The following HERC1 variants were observed in gnomAD, a reference collection of about 807,000 sequenced individuals.
The protein encoded by HERC1 is HECT and RLD domain containing E3 ubiquitin protein ligase family member 1.
Under a neutral mutation model 554.3 loss-of-function variants are expected in HERC1, and 160 were observed. The observed-to-expected ratio is 0.29, with a 90% CI of 0.25 to 0.33. The LOEUF (loss-of-function observed/expected upper bound fraction) is 0.33, where lower values mean the gene tolerates loss of function less well. HERC1 is among the 10% of genes least tolerant of loss of function. The probability of loss-of-function intolerance (pLI) is 1.00; values close to 1 mark genes in which losing one functional copy is unlikely to be tolerated. For missense variants in HERC1, 4,919 were observed against 5,918.5 expected (o/e 0.83, Z 5.54); for synonymous variants, 2,175 against 2,131.7 (o/e 1.02, Z -0.56).
rs778692309 is a variant in HERC1 at position 63,694,071 on chromosome 15, G to C, written c.5567C>G (p.Thr1856Ser). 1.7e-5 allele frequency: 28 copies of C among 1,609,416 alleles called. No homozygotes were observed. Among genetic ancestry groups the C allele is most frequent in the South Asian group, 1.7e-4 (15 of 89,974 alleles). ...CSQLKNLLSQ[T>S]GVLHMASFGE... The stretch of plus-strand genomic sequence containing the variant: ...GAAAGAGGCCATATGTAGTACACCA[G>C]TTTGGGACAATAAATTCTTCAACTG... Residue 1856 changes from threonine (T) to serine (S), a missense_variant, in exon 30 of 78, where the codon ACT becomes AGT. Around this residue, in one of 11 missense-constraint regions of HERC1, gnomAD observed 1,121 missense variants for 1,244.0 expected, o/e 0.90. Coordinates refer to ENST00000443617, the MANE Select transcript of HERC1 (RefSeq NM_003922.4). The surrounding 1 kb of genome is among the most constrained non-coding windows in gnomAD (Gnocchi z 4.3).
chr15:63,800,977 G>A (rs901500913), intron 1 of HERC1, among the ~76,000 whole-genome samples: 1 of 152,098 alleles, frequency 6.6e-6, no homozygotes, highest in African/African-American at 2.4e-5. Context: ...ATCACCAATG[G>A]TCAACGATTT....
At chr15:63,741,289 A>C (rs2074794035) in intron 12 of HERC1, among the ~76,000 whole-genome samples, 1 of 150,938 alleles carries the variant, frequency 6.6e-6, no homozygotes, top group South Asian at 2.1e-4. Flanking sequence ...AGCCTCTCAA[A>C]GTGCTGGGAT....
chr15:63,716,440 G>A lies in HERC1; in HGVS notation c.4012C>T (p.Pro1338Ser). The change falls in exon 22 of 78, where the codon CCT (proline) becomes TCT (serine). Residue 1338 changes from proline (P) to serine (S), a missense_variant. Pro to Ser is a moderately conservative substitution (Grantham distance 74, BLOSUM62 -1). Transcript: ENST00000443617. ...GTTCGAGTAAATGAATGCTCCTGAG[G>A]ATCAACATCTGCAGAGTCCTGGTTT... ...SENQDSADVD[P>S]QEHSFTRTID... 2 of 1,613,378 alleles carry A rather than the reference G, an allele frequency of 1.2e-6. No individual in the cohort carries two copies. The highest frequency in any genetic ancestry group is 1.7e-6 in the Non-Finnish European group (2 of 1,179,584).
chr15:63,723,412 A>G, intron 18 of HERC1, 57 bp from the exon 19 acceptor site: 1 of 1,148,378 alleles, frequency 8.7e-7, no homozygotes, highest in Non-Finnish European at 1.2e-6. Flanking sequence ...TGCTACAGAT[A>G]AAATCTTACC....
intron 63 of HERC1, among the ~76,000 whole-genome samples, chr15:63,637,905 G>A (rs2068855746): frequency 6.6e-6 from 1 of 152,192 alleles, no homozygotes; most frequent in Admixed American, 6.5e-5. Context: ...AGGAAGGGGT[G>A]ATGGGGAAAC....
At position 63,737,080 on chromosome 15, in the gene HERC1, G is replaced by C. The variant is rs181942168; in HGVS notation, c.2521-2231C>G. On this transcript the variant is annotated intron_variant, in intron 12 of 77. Coordinates refer to ENST00000443617, the MANE Select transcript of HERC1 (RefSeq NM_003922.4). ...TCTTCAAAAAGTGTAAGACAGAACG[G>C]GAGGCTACTAAAAAAGGAACACTTC... Among the ~76,000 whole-genome samples the C allele has an allele frequency of 9.2e-5, 14 of 151,614 alleles. No homozygotes were observed. In the East Asian group the frequency reaches 2.5e-3, roughly 27 times the overall value.
At chr15:63,709,506 G>A (rs1211209537) in intron 24 of HERC1, among the ~76,000 whole-genome samples, 1 of 152,072 alleles carries the variant, frequency 6.6e-6, no homozygotes, top group Non-Finnish European at 1.5e-5. Context: ...CACAGTTGAG[G>A]CAAGTACAAC....
intron 60 of HERC1, 63 bp downstream of exon 60, chr15:63,641,407 C>T (rs1191024624): frequency 7.1e-7 from 1 of 1,409,406 alleles, no homozygotes; most frequent in Non-Finnish European, 9.8e-7. Context: ...AAGTTCAAGG[C>T]TATAATCACA....
intron 25 of HERC1, among the ~76,000 whole-genome samples, chr15:63,703,399 T>C (rs1413603387): frequency 6.6e-6 from 1 of 152,164 alleles, no homozygotes; most frequent in Non-Finnish European, 1.5e-5. Context: ...GCTGAAAATG[T>C]GTATACACCC....
At chr15:63,624,763 AG>A (rs1277216247) in intron 71 of HERC1, among the ~76,000 whole-genome samples, 15 of 152,246 alleles carry the variant, frequency 9.9e-5, no homozygotes, top group Non-Finnish European at 2.9e-5. Flanking sequence ...GCATAAACTC[AG>A]GATTAGGAAC....
Position 63,775,461 on chromosome 15 carries a change from A to G in HERC1, c.163T>C (p.Leu55=), listed in dbSNP as rs756685277. 1.4e-5 allele frequency: 22 copies of G among 1,614,006 alleles called. 1 individual carries two copies. The East Asian group carries it at 4.7e-4, about 34-fold the overall frequency. The change falls in exon 2 of 78, where the codon TTA becomes CTA. Residue 55 remains leucine (L), a synonymous_variant. Coordinates refer to ENST00000443617, the MANE Select transcript of HERC1 (RefSeq NM_003922.4). The surrounding 1 kb of genome is among the most constrained non-coding windows in gnomAD (Gnocchi z 4.0). ...KEVVPLPQQV[L]CLKGPQLPDF... is the part of the protein sequence containing the mutation. Reference sequence around the variant, plus strand: ...GGCAACTGTGGTCCTTTGAGGCATAAAACTTGTTGGGGCAAAGGTACTACT... The same window carrying G: ...GGCAACTGTGGTCCTTTGAGGCATAGAACTTGTTGGGGCAAAGGTACTACT...
intron 55 of HERC1, among the ~76,000 whole-genome samples, chr15:63,646,044 T>TA (rs1252083047): frequency 1.3e-5 from 2 of 152,148 alleles, no homozygotes; most frequent in African/African-American, 2.4e-5. Flanking sequence ...AGAAGAGACT[T>TA]AAAAAAATGC....
At chr15:63,785,358 C>T (rs867608713) in intron 1 of HERC1, among the ~76,000 whole-genome samples, 1 of 152,140 alleles carries the variant, frequency 6.6e-6, no homozygotes, top group African/African-American at 2.4e-5. Context: ...AAGTTCAAAG[C>T]TGTGAGCTAT....
chr15:63,730,793 G>A (rs1186654101), intron 14 of HERC1, among the ~76,000 whole-genome samples: 1 of 152,288 alleles, frequency 6.6e-6, no homozygotes, highest in East Asian at 1.9e-4. Context: ...TGGCTGAAGA[G>A]CACAGGGGAA....
chr15:63,749,338 C>A lies in HERC1; in HGVS notation c.2219+29G>T. 1.3e-6 allele frequency: 2 copies of A among 1,536,468 alleles called. No individual in the cohort carries two copies. On this transcript the variant is annotated intron_variant, in intron 10 of 77. Coordinates refer to ENST00000443617, the MANE Select transcript of HERC1 (RefSeq NM_003922.4). The surrounding 1 kb of genome is among the most constrained non-coding windows in gnomAD (Gnocchi z 4.1). ...TTATTGGTGTTTATGTTAAAACACACAAGAATTTTTAAACATAGGCACTCT... is the reference window on the plus strand; with the variant it reads ...TTATTGGTGTTTATGTTAAAACACAAAAGAATTTTTAAACATAGGCACTCT...
At chr15:63,706,255 G>A (rs896727950) in intron 25 of HERC1, among the ~76,000 whole-genome samples, 2 of 151,808 alleles carry the variant, frequency 1.3e-5, no homozygotes, top group Non-Finnish European at 2.9e-5. Flanking sequence ...TTTTATGTAA[G>A]AGATATAATA....
At position 63,706,030 on chromosome 15, in the gene HERC1, C is replaced by CAAAAA. The variant is rs35213471; in HGVS notation, c.4636+745_4636+749dup. Among the ~76,000 whole-genome samples, 181 of 46,660 alleles carry CAAAAA rather than the reference C, an allele frequency of 3.9e-3. 7 individuals are homozygous for CAAAAA. The highest frequency in any genetic ancestry group is 0.014 in the African/African-American group (162 of 11,814). The allele number at this position is 46,660 out of a possible 152,430, so 30.6% of individuals were successfully genotyped here. ...GGACAACAAAGCAAGACCCTGTCTC[C>CAAAAA]AAAAAAAAAAAAAAAAAAAAAAGCA... On this transcript the variant is annotated intron_variant, in intron 25 of 77. Transcript: ENST00000443617.
intron 52 of HERC1, among the ~76,000 whole-genome samples, chr15:63,652,210 G>A (rs1375351304): frequency 6.6e-6 from 1 of 152,102 alleles, no homozygotes; most frequent in Non-Finnish European, 1.5e-5. Flanking sequence ...TTAATTCTAA[G>A]TCCAGATACA....
intron 27 of HERC1, among the ~76,000 whole-genome samples, chr15:63,695,793 G>C (rs2072376663): frequency 6.6e-6 from 1 of 152,260 alleles, no homozygotes; most frequent in South Asian, 2.1e-4. Context: ...ACACAAACTA[G>C]GTAAACGATC....
Sources: gnomAD v4.1 joint callset for allele counts (sites outside exome capture counted in the v4.1 genomes callset) on GRCh38, gnomAD v4.1.1 for gene constraint, gnomAD v4.1.1 regional missense constraint, Gnocchi (gnomAD v3.1) non-coding constraint, MANE v1.5 for transcripts, NCBI Gene and HGNC (gene_info 2026-07-23, HGNC 2026-07-21) for gene names.